Variants in NLRP7 observed in about 807,000 individuals in gnomAD.
The protein encoded by NLRP7 is NLR family pyrin domain containing 7, also known as NACHT, LRR and PYD domains-containing protein 7.
NLRP7 carries 72 observed loss-of-function variants against 85.5 expected under a neutral mutation model. The ratio of observed to expected loss-of-function variants is 0.84; its 90% CI spans 0.70 to 1.02. The LOEUF (loss-of-function observed/expected upper bound fraction) is 1.02. Among genes scored for constraint, NLRP7 ranks in the 50% least tolerant of loss-of-function variants. NLRP7 has a pLI of 0.00. For missense variants in NLRP7, 1,243 were observed against 1,219.5 expected (o/e 1.02, Z -0.29); for synonymous variants, 550 against 505.2 (o/e 1.09, Z -1.19).
chr19:54,955,788 A>G (rs1234868135), intron 1 of NLRP7, among the ~76,000 whole-genome samples: 1 of 152,056 alleles, frequency 6.6e-6, no homozygotes, highest in African/African-American at 2.4e-5. Context: ...CTGAGGTTGC[A>G]GTGAGCTGTG....
In NLRP7 at chr19:54,934,116, A is replaced by AT. The variant is rs2068792804; in HGVS notation, c.2471+372dup. On this transcript the variant is annotated intron_variant, in intron 7 of 9. Coordinates refer to ENST00000340844, the Ensembl canonical transcript of NLRP7. This position sits in a 1 kb window ranked among gnomAD's most constrained non-coding sequence, Gnocchi z 6.7. ...CCACCACACCTGGATAATTTTTTGT[A>AT]TTTTTTAGTAGAGACGGGGTTTCAC... Among the ~76,000 whole-genome samples, 2 of 151,826 alleles carry AT rather than the reference A, an allele frequency of 1.3e-5. No homozygotes were observed. The highest frequency in any genetic ancestry group is 2.1e-4 in the South Asian group (1 of 4,808).
At chr19:54,952,376 T>A (rs2069697649), upstream of NLRP7, among the ~76,000 whole-genome samples, 1 of 151,734 alleles carries the variant, frequency 6.6e-6, no homozygotes, top group Non-Finnish European at 1.5e-5. Flanking sequence ...GTGAATCACC[T>A]GAGGTCAAGA....
At position 54,933,743 on chromosome 19, in the gene NLRP7, C is replaced by G; in HGVS notation, c.2472-4G>C. 6.2e-7 allele frequency: 1 copy of G among 1,613,350 alleles called. No homozygotes were observed. ...TGTAAGACGACAGTTTTCCAACCTGCAAAAATATGAAACAAATGGTAGAAG... is the reference window on the plus strand; with the variant it reads ...TGTAAGACGACAGTTTTCCAACCTGGAAAAATATGAAACAAATGGTAGAAG... On this transcript the variant is annotated splice_polypyrimidine_tract_variant and splice_region_variant and intron_variant, in intron 7 of 9. Coordinates refer to ENST00000340844, the Ensembl canonical transcript of NLRP7.
chr19:54,959,894 G>T (rs754236038), intron 1 of NLRP7, among the ~76,000 whole-genome samples: 1 of 151,756 alleles, frequency 6.6e-6, no homozygotes, highest in Non-Finnish European at 1.5e-5. Context: ...CCTGGGAGCC[G>T]ACTCCCGGCT....
exon 4 of NLRP7, chr19:54,939,543 G>C (rs748114704): frequency 3.7e-5 from 60 of 1,613,030 alleles, no homozygotes; most frequent in Non-Finnish European, 4.9e-5. Context: ...ACGGACATCT[G>C]CGCCCACAGG....
chr19:54,939,415 G>T, exon 4 of NLRP7: 1 of 1,614,100 alleles, frequency 6.2e-7, no homozygotes, highest in Non-Finnish European at 8.5e-7. Context: ...GGAAGCTGAG[G>T]TGGATGAAGG....
exon 4 of NLRP7, chr19:54,938,926 C>T (rs745618049): frequency 1.2e-6 from 2 of 1,614,066 alleles, no homozygotes; most frequent in African/African-American, 1.3e-5. Context: ...CCATGTAATT[C>T]TCCAGGAACA....
At chr19:54,960,931 TA>T (rs1026845469) in intron 1 of NLRP7, among the ~76,000 whole-genome samples, 1 of 151,906 alleles carries the variant, frequency 6.6e-6, no homozygotes, top group East Asian at 1.9e-4. Flanking sequence ...ATTTGAGTCT[TA>T]AAAAAATATT....
Position 54,939,379 on chromosome 19 carries a change from G to T in NLRP7, c.1440C>A (p.Tyr480Ter), listed in dbSNP as rs201781231. The change falls in exon 4 of 10, where the codon TAC becomes TAA. Residue 480 changes from tyrosine (Y) to a stop codon, truncating the protein, a stop_gained. Coordinates refer to ENST00000340844, the Ensembl canonical transcript of NLRP7. LOFTEE classifies it high-confidence loss of function. ...CCTCCCCCTCCTCCTTCTCCAGGGC[G>T]TAGAACAGGGCAGTGAGAAACTGCT... 1 of 1,614,102 alleles carries T rather than the reference G, an allele frequency of 6.2e-7. No homozygotes were observed. The highest frequency in any genetic ancestry group is 8.5e-7 in the Non-Finnish European group (1 of 1,180,000).
intron 9 of NLRP7, 125 bp from the exon 10 acceptor site, chr19:54,927,900 T>C (rs2068516457): frequency 1.2e-6 from 1 of 818,464 alleles, no homozygotes; most frequent in Admixed American, 1.8e-5. Context: ...GAGACCAGCC[T>C]TGCCAACACG....
exon 4 of NLRP7, chr19:54,940,179 C>T: frequency 6.8e-6 from 11 of 1,614,206 alleles, no homozygotes; most frequent in Non-Finnish European, 7.6e-6. Context: ...CGGCTGAGCT[C>T]CTTGCAGCTG....
At chr19:54,938,978 C>A (rs201182438) in exon 4 of NLRP7, 2 of 1,614,190 alleles carry the variant, frequency 1.2e-6, no homozygotes, top group South Asian at 2.2e-5. Flanking sequence ...CAAGTCTTGA[C>A]AATGCTTCAG....
At chr19:54,923,895 A>T in intron 9 of NLRP7, 23 bp from the exon 11 acceptor site, 2 of 1,609,312 alleles carry the variant, frequency 1.2e-6, no homozygotes, top group Non-Finnish European at 1.7e-6. Context: ...GAGAACACAA[A>T]TGTTCCCAGA....
At position 54,956,565 on chromosome 19, in the gene NLRP7, G is replaced by T. The variant is rs148898392; in HGVS notation, c.-76-9060C>A. Among the ~76,000 whole-genome samples, 1,135 of 151,698 alleles carry T rather than the reference G, an allele frequency of 7.5e-3. 18 individuals carry two copies. The highest frequency in any genetic ancestry group is 0.026 in the African/African-American group (1,087 of 41,412). On this transcript the variant is annotated intron_variant, in intron 1 of 2. Coordinates refer to the NLRP7 transcript ENST00000587103. ...AAAAATTAGCTGGGCGCGGTGGCAG[G>T]TGCCTGTAATACCAGCTACTCGGGA... is the stretch of plus-strand genomic sequence containing the variant.
In NLRP7 at chr19:54,940,101, T is replaced by G. The variant is rs1235553791; in HGVS notation, c.718A>C (p.Ser240Arg). Residue 240 changes from serine (S) to arginine (R), a missense_variant, in exon 4 of 10, where the codon AGC becomes CGC. Ser to Arg is a moderately radical substitution (Grantham distance 110). Transcript: ENST00000340844. Reference sequence around the variant, plus strand: ...ATTCTCTGTGCTTGGGCTAGGATGCTTGGAATGTCATCCTGCAATTCAGGC... The same window carrying G: ...ATTCTCTGTGCTTGGGCTAGGATGCGTGGAATGTCATCCTGCAATTCAGGC... 1.9e-6 allele frequency: 3 copies of G among 1,614,048 alleles called. No homozygotes were observed. The highest frequency in any genetic ancestry group is 1.3e-5 in the African/African-American group (1 of 74,936).
upstream of NLRP7, among the ~76,000 whole-genome samples, chr19:54,949,899 T>C (rs2069614462): frequency 6.6e-6 from 1 of 151,952 alleles, no homozygotes; most frequent in South Asian, 2.1e-4. Flanking sequence ...GCCCAAGAAT[T>C]CTAGGCCAGT....
At chr19:54,929,465 C>T (rs1333729766) in intron 9 of NLRP7, among the ~76,000 whole-genome samples, 1 of 152,132 alleles carries the variant, frequency 6.6e-6, no homozygotes, top group East Asian at 1.9e-4. Flanking sequence ...ATTAGGATTG[C>T]AGATTCTAGT....
intron 1 of NLRP7, among the ~76,000 whole-genome samples, chr19:54,962,990 A>C (rs1208251418): frequency 6.6e-6 from 1 of 152,182 alleles, no homozygotes; most frequent in Non-Finnish European, 1.5e-5. Flanking sequence ...GTGATCTTCA[A>C]GACCTCAGAC....
At chr19:54,923,936 A>T in intron 9 of NLRP7, 64 bp from the exon 11 acceptor site, 1 of 1,557,082 alleles carries the variant, frequency 6.4e-7, no homozygotes, top group Non-Finnish European at 8.8e-7. Context: ...GGATGCCTGA[A>T]TATCTGTTTT....
Sources: allele counts gnomAD v4.1 joint callset (sites outside exome capture counted in the v4.1 genomes callset), GRCh38; gene constraint gnomAD v4.1.1; non-coding constraint Gnocchi (gnomAD v3.1); transcripts MANE v1.5; gene names NCBI Gene and HGNC (gene_info 2026-07-23, HGNC 2026-07-21).